The following RMST variants were observed in gnomAD, a reference collection of about 807,000 sequenced individuals.
RMST encodes rhabdomyosarcoma 2 associated transcript, also known as long intergenic non-protein coding RNA 54.
intron 7 of RMST, chr12:97,493,841 C>T (rs1177990283): frequency 6.6e-6 from 1 of 152,198 alleles, no homozygotes; most frequent in Non-Finnish European, 1.5e-5. Flanking sequence ...AAAAACTATA[C>T]ATAACATACT....
intron 10 of RMST, among the ~76,000 whole-genome samples, chr12:97,528,651 A>T (rs567515182): frequency 2.1e-4 from 32 of 152,312 alleles, no homozygotes; most frequent in Admixed American, 2.1e-3. Flanking sequence ...TATTGTAAAG[A>T]TATAAGTTTG....
chr12:97,489,146 T>C (rs1413886786), intron 5 of RMST, among the ~76,000 whole-genome samples: 1 of 152,168 alleles, frequency 6.6e-6, no homozygotes, highest in Non-Finnish European at 1.5e-5. Context: ...CCTTGCTGTA[T>C]AGGAAAAGCT....
At chr12:97,550,425 T>C (rs539792822) in intron 11 of RMST, among the ~76,000 whole-genome samples, 1 of 152,074 alleles carries the variant, frequency 6.6e-6, no homozygotes, top group South Asian at 2.1e-4. Context: ...ATAATAAAAA[T>C]ATTAAAAGGA....
rs796527377 is a variant in RMST, at chr12:97,529,141, G to C, written n.1341-1514G>C. Among the ~76,000 whole-genome samples the C allele has an allele frequency of 1.4e-4, 22 of 152,014 alleles. 1 individual carries two copies. The highest frequency in any genetic ancestry group is 5.3e-4 in the African/African-American group (22 of 41,462). ...TTTTCTCCCTCCCATGCCAGTTCTG[G>C]TGGGACTTTAGAAACCTTTTTGTCT... On this transcript the variant is annotated intron_variant and non_coding_transcript_variant, in intron 10 of 13. Transcript: ENST00000640149.
intron 10 of RMST, among the ~76,000 whole-genome samples, chr12:97,510,886 T>G (rs1879209083): frequency 6.6e-6 from 1 of 152,150 alleles, no homozygotes; most frequent in Admixed American, 6.5e-5. Flanking sequence ...AACTGAGTAG[T>G]TGATTTGTCA....
chr12:97,495,633 G>A (rs1025840110), intron 9 of RMST, among the ~76,000 whole-genome samples: 42 of 151,998 alleles, frequency 2.8e-4, no homozygotes, highest in African/African-American at 9.9e-4. Context: ...TCTGAGCAAC[G>A]TGATACAGCC....
intron 10 of RMST, among the ~76,000 whole-genome samples, chr12:97,503,206 CA>C (rs1472205350): frequency 6.6e-6 from 1 of 152,136 alleles, no homozygotes; most frequent in African/African-American, 2.4e-5. Context: ...CAAAATTCAT[CA>C]GGAGTTAACA....
intron 4 of RMST, among the ~76,000 whole-genome samples, chr12:97,465,514 C>A (rs1298306080): frequency 1.3e-5 from 2 of 152,176 alleles, no homozygotes; most frequent in African/African-American, 4.8e-5. Flanking sequence ...AGAAAACATG[C>A]ACTCTGCTAA....
intron 11 of RMST, chr12:97,533,187 A>C (rs1881810443): frequency 6.6e-6 from 1 of 151,810 alleles, no homozygotes; most frequent in African/African-American, 2.4e-5. Flanking sequence ...CCATCCCAAC[A>C]AAAGCACGGA....
intron 9 of RMST, among the ~76,000 whole-genome samples, chr12:97,495,178 G>GGGGA (rs1555230759): frequency 6.6e-6 from 1 of 150,930 alleles, no homozygotes; most frequent in South Asian, 2.1e-4. Flanking sequence ...TATTCTTATG[G>GGGGA]GGGGGGAGCC....
At chr12:97,518,938 TA>T (rs567029246) in intron 10 of RMST, among the ~76,000 whole-genome samples, 10,256 of 144,452 alleles carry the variant, frequency 0.071, 1,096 homozygotes, top group African/African-American at 0.23. Flanking sequence ...TTCAGCTAAT[TA>T]AAAAAAAAAA....
chr12:97,484,166 T>A (rs569055793), intron 5 of RMST, among the ~76,000 whole-genome samples: 1 of 152,332 alleles, frequency 6.6e-6, no homozygotes, highest in South Asian at 2.1e-4. Flanking sequence ...TAGCCCTCTG[T>A]CAAATATGTC....
intron 11 of RMST, among the ~76,000 whole-genome samples, chr12:97,543,333 A>T (rs1882697812): frequency 6.6e-6 from 1 of 151,892 alleles, no homozygotes; most frequent in South Asian, 2.1e-4. Context: ...ACCTCCTTTT[A>T]GTTTTTTCCA....
At chr12:97,488,403 A>C (rs1876369410) in intron 5 of RMST, among the ~76,000 whole-genome samples, 1 of 152,218 alleles carries the variant, frequency 6.6e-6, no homozygotes, top group South Asian at 2.1e-4. Flanking sequence ...TCTTTGTCCC[A>C]GATGAGGCTA....
chr12:97,536,364 T>C (rs1282321113), intron 11 of RMST, among the ~76,000 whole-genome samples: 3 of 151,586 alleles, frequency 2.0e-5, no homozygotes, highest in Admixed American at 2.0e-4. Context: ...ACTTGAGTTA[T>C]GCAAAAAGTA....
chr12:97,521,919 C>T (rs1880555453), intron 10 of RMST, among the ~76,000 whole-genome samples: 1 of 152,144 alleles, frequency 6.6e-6, no homozygotes, highest in African/African-American at 2.4e-5. Context: ...GAGCATTTTA[C>T]TTAGATTCCC....
At chr12:97,518,221 T>C (rs903707457) in intron 10 of RMST, among the ~76,000 whole-genome samples, 3 of 152,180 alleles carry the variant, frequency 2.0e-5, no homozygotes, top group Middle Eastern at 3.2e-3. Context: ...TAAATTGGAA[T>C]ACTGATACAT....
At chr12:97,488,026 G>C (rs1593161080) in intron 5 of RMST, among the ~76,000 whole-genome samples, 1 of 152,194 alleles carries the variant, frequency 6.6e-6, no homozygotes, top group African/African-American at 2.4e-5. Context: ...GCAGAAGGCT[G>C]TCTCTGGGAC....
chr12:97,548,207 G>A (rs1217214187), intron 11 of RMST, among the ~76,000 whole-genome samples: 1 of 152,012 alleles, frequency 6.6e-6, no homozygotes, highest in Non-Finnish European at 1.5e-5. Context: ...GACCATAAAT[G>A]GGTGGGTTTA....
Sources: allele counts gnomAD v4.1 joint callset (sites outside exome capture counted in the v4.1 genomes callset), GRCh38; gene constraint gnomAD v4.1.1; transcripts MANE v1.5; gene names NCBI Gene and HGNC (gene_info 2026-07-23, HGNC 2026-07-21).